The following TRMT11 variants were observed in gnomAD, a reference collection of about 807,000 sequenced individuals.
TRMT11 encodes tRNA methyltransferase 11.
In TRMT11, 53 loss-of-function variants were observed where a neutral mutation model predicts 62.8. The ratio of observed to expected loss-of-function variants is 0.84; its 90% confidence interval spans 0.68 to 1.06. The LOEUF (loss-of-function observed/expected upper bound fraction) is 1.06. Ranked by LOEUF, TRMT11 falls within the 50% of genes least tolerant of loss-of-function variation. The probability of loss-of-function intolerance (pLI) is 0.00; values close to 1 mark genes in which losing one functional copy is unlikely to be tolerated. For missense variants in TRMT11, 556 were observed against 553.4 expected (o/e 1.00, Z -0.05); for synonymous variants, 188 against 190.3 (o/e 0.99, Z 0.10).
chr6:126,034,749 G>C (rs1231475659), intron 12 of TRMT11, among the ~76,000 whole-genome samples: 4 of 152,088 alleles, frequency 2.6e-5, no homozygotes, highest in African/African-American at 9.7e-5. Flanking sequence ...GACAGATTTA[G>C]AAATGTTAGC....
At chr6:126,137,059 A>C (rs554317008) in intron 21 of TRMT11, among the ~76,000 whole-genome samples, 92 of 151,876 alleles carry the variant, frequency 6.1e-4, no homozygotes, top group Non-Finnish European at 1.1e-3. Flanking sequence ...GGGGACATAC[A>C]GGACATTGGA....
chr6:126,225,246 C>A, the TRMT11 span, among the ~76,000 whole-genome samples: 4 of 152,184 alleles, frequency 2.6e-5, no homozygotes, highest in African/African-American at 9.7e-5. Context: ...CCAAGCAGCT[C>A]TCCCTATCAG....
chr6:126,203,919 TTGTGTGTGTGTGTGTG>T (rs71680476), downstream of TRMT11, among the ~76,000 whole-genome samples: 5,020 of 144,482 alleles, frequency 0.035, 299 homozygotes, highest in African/African-American at 0.12. Flanking sequence ...GATCATCATT[TTGTGTGTGTGTGTGTG>T]TGTGTGTGTG....
intron 1 of TRMT11, among the ~76,000 whole-genome samples, chr6:125,991,161 G>A (rs749600215): frequency 6.6e-6 from 1 of 151,254 alleles, no homozygotes; most frequent in African/African-American, 2.4e-5. Context: ...CAGGAGAATC[G>A]CATGAACCTG....
At chr6:126,167,029 G>T (rs1778275803) in intron 21 of TRMT11, among the ~76,000 whole-genome samples, 1 of 152,206 alleles carries the variant, frequency 6.6e-6, no homozygotes, top group South Asian at 2.1e-4. Flanking sequence ...TTTCAAGCCA[G>T]TGCATCTTAG....
intron 21 of TRMT11, among the ~76,000 whole-genome samples, chr6:126,129,781 G>A (rs561794162): frequency 7.2e-5 from 11 of 152,018 alleles, no homozygotes; most frequent in African/African-American, 9.7e-5. Context: ...TTGTATTTCC[G>A]TCTGTTCTCA....
intron 21 of TRMT11, among the ~76,000 whole-genome samples, chr6:126,151,850 C>CTTTCTT (rs1554242253): frequency 7.7e-6 from 1 of 129,408 alleles, no homozygotes; most frequent in African/African-American, 3.0e-5. Context: ...TTCTTTCTTT[C>CTTTCTT]TTTCTTTCTT....
At chr6:126,132,022 A>G (rs1167847591) in intron 21 of TRMT11, among the ~76,000 whole-genome samples, 1 of 152,030 alleles carries the variant, frequency 6.6e-6, no homozygotes, top group Non-Finnish European at 1.5e-5. Context: ...GAGAGTGCCA[A>G]TGCATACCCA....
chr6:126,098,382 G>A (rs1023373612), intron 17 of TRMT11, among the ~76,000 whole-genome samples: 5 of 152,136 alleles, frequency 3.3e-5, no homozygotes, highest in Non-Finnish European at 5.9e-5. Flanking sequence ...AATTCTATGT[G>A]AATCCTGTAT....
chr6:126,025,462 GTAATT>G (rs1330664104), intron 12 of TRMT11, among the ~76,000 whole-genome samples: 4 of 152,132 alleles, frequency 2.6e-5, no homozygotes, highest in Non-Finnish European at 5.9e-5. Context: ...AAAGCCTCAA[GTAATT>G]TTTTGAAATG....
At chr6:126,132,478 G>A (rs758345319) in intron 21 of TRMT11, among the ~76,000 whole-genome samples, 18 of 151,940 alleles carry the variant, frequency 1.2e-4, no homozygotes, top group Admixed American at 6.6e-4. Flanking sequence ...GCTATGACAT[G>A]GATATCCTAT....
the TRMT11 span, among the ~76,000 whole-genome samples, chr6:126,220,351 CAGAGG>C: frequency 6.6e-6 from 1 of 152,164 alleles, no homozygotes; most frequent in Non-Finnish European, 1.5e-5. Context: ...TGCTTAAAAA[CAGAGG>C]AGCCAGAGCT....
At chr6:126,039,470 C>T (rs571154668), downstream of TRMT11, among the ~76,000 whole-genome samples, 1 of 152,164 alleles carries the variant, frequency 6.6e-6, no homozygotes, top group South Asian at 2.1e-4. Context: ...GGATTTGCTC[C>T]TGCATTCCTA....
At chr6:126,134,487 C>CAT (rs889105762) in intron 21 of TRMT11, among the ~76,000 whole-genome samples, 52 of 151,878 alleles carry the variant, frequency 3.4e-4, no homozygotes, top group African/African-American at 1.3e-3. Context: ...CTGAAGCACT[C>CAT]ATATATATAA....
chr6:126,258,887 T>C, the TRMT11 span, among the ~76,000 whole-genome samples: 1 of 152,166 alleles, frequency 6.6e-6, no homozygotes, highest in Non-Finnish European at 1.5e-5. Context: ...GATAAACGTG[T>C]CATGGGGATT....
chr6:126,097,489 T>C (rs555232505), intron 17 of TRMT11, among the ~76,000 whole-genome samples: 4 of 152,326 alleles, frequency 2.6e-5, no homozygotes, highest in African/African-American at 9.6e-5. Context: ...TTGGCTATTC[T>C]TTCCTTAGGG....
chr6:126,224,523 G>A, the TRMT11 span, among the ~76,000 whole-genome samples: 12 of 152,130 alleles, frequency 7.9e-5, no homozygotes, highest in African/African-American at 2.7e-4. Flanking sequence ...TTGATCTTGG[G>A]GGCAAAGGTT....
intron 17 of TRMT11, among the ~76,000 whole-genome samples, chr6:126,096,553 C>T (rs1461192568): frequency 1.4e-5 from 2 of 145,430 alleles, no homozygotes; most frequent in East Asian, 2.0e-4. Context: ...TAGATTTTAG[C>T]TTTTTTTTTT....
At position 126,157,265 on chromosome 6, in the gene TRMT11, A is replaced by G. The variant is rs550600266; in HGVS notation, c.*1824-17560A>G. Among the ~76,000 whole-genome samples, 456 of 152,354 alleles carry G rather than the reference A, an allele frequency of 3.0e-3. 2 individuals carry two copies. The highest frequency in any genetic ancestry group is 4.2e-3 in the Non-Finnish European group (286 of 68,034). ...TTCATTTCAGTTCTTATCTTCTAGA[A>G]TTGACAATAGATTATTGTCTTTCTT... On this transcript the variant is annotated intron_variant and NMD_transcript_variant, in intron 21 of 22. Coordinates refer to the TRMT11 transcript ENST00000648977.
Sources: gnomAD v4.1 joint callset for allele counts (sites outside exome capture counted in the v4.1 genomes callset) on GRCh38, gnomAD v4.1.1 for gene constraint, MANE v1.5 for transcripts, NCBI Gene and HGNC (gene_info 2026-07-23, HGNC 2026-07-21) for gene names.